CDH6: variants seen among roughly 807,000 people sequenced by gnomAD.
The protein encoded by CDH6 is cadherin-6.
In CDH6, 31 loss-of-function variants were observed where a neutral mutation model predicts 78.0. The ratio of observed to expected loss-of-function variants is 0.40; its 90% CI spans 0.30 to 0.54. CDH6 has a LOEUF of 0.54. Among genes scored for constraint, CDH6 ranks in the 20% least tolerant of loss-of-function variants. The probability of loss-of-function intolerance (pLI) is 0.56; values close to 1 mark genes in which losing one functional copy is unlikely to be tolerated. For missense variants in CDH6, 724 were observed against 975.9 expected (o/e 0.74, Z 3.44); for synonymous variants, 376 against 368.8 (o/e 1.02, Z -0.23).
In CDH6 at chr5:31,318,693, T is replaced by C. The variant is rs1738396432; in HGVS notation, c.1882+769T>C. ...AACTAAGAAATCAAATATTTGTTAATGCAGCCCTTCCAAAAATGAAAGCAA... is the reference window on the plus strand; with the variant it reads ...AACTAAGAAATCAAATATTTGTTAACGCAGCCCTTCCAAAAATGAAAGCAA... On this transcript the variant is annotated intron_variant, in intron 11 of 11. Coordinates refer to ENST00000265071, the MANE Select transcript of CDH6 (RefSeq NM_004932.4). 5 of 229,080 alleles carry C rather than the reference T, an allele frequency of 2.2e-5. No homozygotes were observed. The East Asian group carries it at 3.1e-4, about 14-fold the overall frequency. 14.2% of individuals were successfully genotyped at this position (229,080 alleles called of 1,614,324 possible).
At chr5:31,281,549 T>C (rs1742864382) in intron 2 of CDH6, among the ~76,000 whole-genome samples, 1 of 152,196 alleles carries the variant, frequency 6.6e-6, no homozygotes, top group Non-Finnish European at 1.5e-5. Flanking sequence ...GAGACTAATG[T>C]CACAGTCTGC....
Position 31,199,423 on chromosome 5 carries a change from T to C in CDH6, c.-129+5537T>C, listed in dbSNP as rs554890689. ...ATGTACTTTACATGGTGTATATATG[T>C]ACACACATATGTGTATATATACACA... On this transcript the variant is annotated intron_variant, in intron 1 of 11. Coordinates refer to ENST00000265071, the MANE Select transcript of CDH6 (RefSeq NM_004932.4). Among the ~76,000 whole-genome samples, 733 of 127,636 alleles carry C rather than the reference T, an allele frequency of 5.7e-3. 10 individuals carry two copies. The highest frequency in any genetic ancestry group is 0.019 in the African/African-American group (700 of 36,168). 83.7% of individuals were successfully genotyped at this position (127,636 alleles called of 152,430 possible).
chr5:31,295,141 G>A (rs2149948183), intron 3 of CDH6, among the ~76,000 whole-genome samples: 1 of 152,248 alleles, frequency 6.6e-6, no homozygotes, highest in Admixed American at 6.5e-5. Context: ...GGAAATCGTT[G>A]TAAAACATCT....
At chr5:31,202,434 A>G (rs1740378930) in intron 1 of CDH6, among the ~76,000 whole-genome samples, 1 of 152,128 alleles carries the variant, frequency 6.6e-6, no homozygotes, top group Admixed American at 6.5e-5. Context: ...TAGGAGTTTG[A>G]GACCAGCCTG....
intron 1 of CDH6, among the ~76,000 whole-genome samples, chr5:31,266,788 T>G (rs1280677071): frequency 6.6e-6 from 1 of 152,208 alleles, no homozygotes; most frequent in Non-Finnish European, 1.5e-5. Context: ...TGTATGGTCT[T>G]TTCCAACCTT....
chr5:31,304,099 T>C (rs565079221), intron 6 of CDH6, among the ~76,000 whole-genome samples: 1 of 152,320 alleles, frequency 6.6e-6, no homozygotes, highest in African/African-American at 2.4e-5. Flanking sequence ...TGATCACTAC[T>C]TTCTTTGACA....
In CDH6 at chr5:31,239,781, A is replaced by G. The variant is rs573634552; in HGVS notation, c.-128-27565A>G. Among the ~76,000 whole-genome samples, 101 of 152,348 alleles carry G rather than the reference A, an allele frequency of 6.6e-4. 3 individuals are homozygous for G. In the South Asian group the frequency reaches 0.02, roughly 31 times the overall value. On this transcript the variant is annotated intron_variant, in intron 1 of 11. Transcript: ENST00000265071. ...CTCACTTGCACAAAGGCTGTCTATT[A>G]GAAGAGTCACAGAGGAATCCATAGC...
intron 1 of CDH6, among the ~76,000 whole-genome samples, chr5:31,266,261 A>G (rs1472877008): frequency 2.0e-5 from 3 of 152,082 alleles, no homozygotes; most frequent in Non-Finnish European, 4.4e-5. Context: ...TTAATGGTAG[A>G]TTGTGTTTTT....
Position 31,328,016 on chromosome 5 carries a change from G to A in CDH6, c.*4708G>A, listed in dbSNP as rs114216428. Reference sequence around the variant, plus strand: ...ATTTTCATTTTTATTTGGGGGAAACGTTAGCCCAACAGAGCCGGCAGATGA... The same window carrying A: ...ATTTTCATTTTTATTTGGGGGAAACATTAGCCCAACAGAGCCGGCAGATGA... On this transcript the variant is annotated 3_prime_UTR_variant, in exon 12 of 12. Coordinates refer to ENST00000265071, the MANE Select transcript of CDH6 (RefSeq NM_004932.4). The A allele has an allele frequency of 4.8e-3, 1,029 of 215,954 alleles. 23 individuals are homozygous for A. The highest frequency in any genetic ancestry group is 0.021 in the African/African-American group (952 of 44,358). 13.4% of individuals were successfully genotyped at this position (215,954 alleles called of 1,614,324 possible). A position where few individuals can be genotyped will look rare whatever the true frequency, so the allele number is the denominator to read the frequency against.
intron 1 of CDH6, among the ~76,000 whole-genome samples, chr5:31,232,369 T>C (rs914865646): frequency 2.0e-5 from 3 of 152,136 alleles, no homozygotes; most frequent in Non-Finnish European, 4.4e-5. Flanking sequence ...ACGTTTTAAA[T>C]TTTTCTTCCA....
intron 2 of CDH6, among the ~76,000 whole-genome samples, chr5:31,292,776 T>C (rs1256759086): frequency 1.0e-5 from 1 of 95,322 alleles, no homozygotes; most frequent in Non-Finnish European, 2.2e-5. Flanking sequence ...CGTGTGTGTA[T>C]GTGTGTATAT....
chr5:31,292,852 C>CATATATATATATATATATGTGTGCATAT (rs1737444256), intron 2 of CDH6, among the ~76,000 whole-genome samples: 20 of 8,792 alleles, frequency 2.3e-3, no homozygotes, highest in African/African-American at 3.5e-3. Context: ...TATATGTGTG[C>CATATATATATATATATATGTGTGCATAT]ATATATATAT....
Position 31,302,208 on chromosome 5 carries a change from T to C in CDH6, c.909T>C (p.Ile303=), listed in dbSNP as rs1737784622. ...CTGATGTGGGAGAAAATGCTGAAAT[T>C]GAGTACAGCATCACAGACGGTGAGG... ...SDADVGENAE[I]EYSITDGEGL... The change falls in exon 6 of 12, where the codon ATT becomes ATC. Residue 303 remains isoleucine, a synonymous_variant. Transcript: ENST00000265071. 4 of 1,613,478 alleles carry C rather than the reference T, an allele frequency of 2.5e-6. No individual in the cohort carries two copies. Among genetic ancestry groups the C allele is most frequent in the South Asian group, 2.2e-5 (2 of 91,062 alleles).
chr5:31,266,791 C>G (rs1051125906), intron 1 of CDH6, among the ~76,000 whole-genome samples: 7 of 152,178 alleles, frequency 4.6e-5, no homozygotes, highest in Non-Finnish European at 7.3e-5. Flanking sequence ...ATGGTCTTTT[C>G]CAACCTTATT....
At chr5:31,250,247 A>C (rs1178632288) in intron 1 of CDH6, 2 of 152,250 alleles carry the variant, frequency 1.3e-5, no homozygotes, top group African/African-American at 4.8e-5. Flanking sequence ...ACCTCACATG[A>C]CTGTGTGACA....
chr5:31,218,733 G>T (rs1236168620), intron 1 of CDH6, among the ~76,000 whole-genome samples: 1 of 152,086 alleles, frequency 6.6e-6, no homozygotes, highest in Non-Finnish European at 1.5e-5. Context: ...CCTCCAGCTT[G>T]TATCCCTGCT....
At chr5:31,220,636 T>C (rs990250903) in intron 1 of CDH6, among the ~76,000 whole-genome samples, 1 of 152,108 alleles carries the variant, frequency 6.6e-6, no homozygotes, top group African/African-American at 2.4e-5. Flanking sequence ...TCAATACATA[T>C]GTACATAAAA....
chr5:31,272,562 TTG>T (rs1742557187), intron 2 of CDH6, among the ~76,000 whole-genome samples: 2 of 152,212 alleles, frequency 1.3e-5, no homozygotes, highest in Admixed American at 1.3e-4. Context: ...AGATTAGATT[TTG>T]AAGACATAGG....
Position 31,323,568 on chromosome 5 carries a change from A to G in CDH6, c.*260A>G. 2.2e-6 allele frequency: 1 copy of G among 462,726 alleles called. No individual in the cohort carries two copies. The allele number at this position is 462,726 out of a possible 1,614,324, so 28.7% of individuals were successfully genotyped here. A position where few individuals can be genotyped will look rare whatever the true frequency, so the allele number is the denominator to read the frequency against. On this transcript the variant is annotated 3_prime_UTR_variant, in exon 12 of 12. Transcript: ENST00000265071. ...GGTGCCGGAGGGGAGGACAGGGAAC[A>G]GTATTTCCACTTGTTCTCAGGGCAG...
Sources: gnomAD v4.1 joint callset for allele counts (sites outside exome capture counted in the v4.1 genomes callset) on GRCh38, gnomAD v4.1.1 for gene constraint, MANE v1.5 for transcripts, NCBI Gene and HGNC (gene_info 2026-07-23, HGNC 2026-07-21) for gene names.